SETBP1: variants seen among roughly 807,000 people sequenced by gnomAD.
The protein encoded by SETBP1 is SET binding protein 1.
Under a neutral mutation model 101.0 loss-of-function variants are expected in SETBP1, and 9 were observed. The ratio of observed to expected loss-of-function variants is 0.09; its 90% confidence interval spans 0.05 to 0.16. SETBP1 has a LOEUF of 0.16. SETBP1 is among the 10% of genes least tolerant of loss of function. The probability of loss-of-function intolerance (pLI) is 1.00; values close to 1 mark genes in which losing one functional copy is unlikely to be tolerated. For synonymous variants in SETBP1, 818 were observed against 788.5 expected (o/e 1.04, Z -0.63); for missense variants, 1,858 against 2,033.8 (o/e 0.91, Z 1.66).
chr18:44,979,683 C>T (rs959946095), intron 4 of SETBP1, among the ~76,000 whole-genome samples: 2 of 152,150 alleles, frequency 1.3e-5, no homozygotes, highest in African/African-American at 4.8e-5. Context: ...AACCAATGGT[C>T]CACACTGATA....
At chr18:44,753,835 G>C (rs962257975) in intron 2 of SETBP1, among the ~76,000 whole-genome samples, 3 of 152,192 alleles carry the variant, frequency 2.0e-5, no homozygotes, top group African/African-American at 7.2e-5. Flanking sequence ...AGGAAGTCAG[G>C]AATCTGGAAG....
intron 3 of SETBP1, among the ~76,000 whole-genome samples, chr18:44,902,003 G>A (rs868706497): frequency 1.3e-5 from 2 of 152,262 alleles, no homozygotes; most frequent in Non-Finnish European, 2.9e-5. Context: ...TCTGTCTAGA[G>A]CTGTATGCTT....
intron 2 of SETBP1, among the ~76,000 whole-genome samples, chr18:44,744,287 T>TC (rs2070170033): frequency 6.6e-6 from 1 of 152,048 alleles, no homozygotes. Flanking sequence ...GCACGCCTGC[T>TC]CCCCCCTTCC....
intron 2 of SETBP1, among the ~76,000 whole-genome samples, chr18:44,818,970 A>ATGTG (rs34458305): frequency 0.049 from 7,288 of 148,440 alleles, 262 homozygotes; most frequent in African/African-American, 0.1. Context: ...ATTTCACTGA[A>ATGTG]TGTGTGTGTG....
intron 4 of SETBP1, among the ~76,000 whole-genome samples, chr18:45,014,025 G>C (rs78950194): frequency 7.5e-6 from 1 of 133,486 alleles, no homozygotes; most frequent in African/African-American, 2.8e-5. Context: ...AAGGATGTTC[G>C]GCAGAAAAAA....
At chr18:44,773,836 T>TTGTG (rs1280926160) in intron 2 of SETBP1, among the ~76,000 whole-genome samples, 16 of 36,376 alleles carry the variant, frequency 4.4e-4, no homozygotes, top group South Asian at 2.3e-3. Context: ...CTCTCTCTGT[T>TTGTG]TATGTGTGTG....
chr18:44,995,529 T>TTGGG (rs1555642162), intron 4 of SETBP1, among the ~76,000 whole-genome samples: 5 of 142,876 alleles, frequency 3.5e-5, no homozygotes, highest in Non-Finnish European at 7.6e-5. Context: ...GTCCAGGCTT[T>TTGGG]TGTGTGTGTG....
intron 2 of SETBP1, among the ~76,000 whole-genome samples, chr18:44,791,604 A>G (rs1335329500): frequency 6.6e-6 from 1 of 152,140 alleles, no homozygotes; most frequent in Non-Finnish European, 1.5e-5. Context: ...AGAAATTTCC[A>G]TGGAGAAGAA....
At chr18:44,812,967 A>G (rs2144837820) in intron 2 of SETBP1, among the ~76,000 whole-genome samples, 1 of 152,292 alleles carries the variant, frequency 6.6e-6, no homozygotes, top group Non-Finnish European at 1.5e-5. Context: ...GGGTGACATC[A>G]GAGGTCTCTT....
At chr18:44,789,976 C>A (rs1321126233) in intron 2 of SETBP1, among the ~76,000 whole-genome samples, 3 of 152,114 alleles carry the variant, frequency 2.0e-5, no homozygotes, top group Non-Finnish European at 2.9e-5. Flanking sequence ...CTGGACAAAC[C>A]CAGGAATGAT....
chr18:45,011,610 T>C (rs1007759080), intron 4 of SETBP1, among the ~76,000 whole-genome samples: 2 of 152,202 alleles, frequency 1.3e-5, no homozygotes, highest in Non-Finnish European at 2.9e-5. Context: ...GGCCAGGTAA[T>C]TGTCTGCTGA....
intron 3 of SETBP1, among the ~76,000 whole-genome samples, chr18:44,925,007 G>GTTTTGTT (rs1555700996): frequency 2.2e-5 from 1 of 45,970 alleles, no homozygotes; most frequent in African/African-American, 9.0e-5. Context: ...TCCTGTGTGA[G>GTTTTGTT]TTTTTTTTTT....
chr18:44,876,786 G>A (rs1018021797), intron 3 of SETBP1: 2 of 1,468,074 alleles, frequency 1.4e-6, no homozygotes, highest in Non-Finnish European at 1.8e-6. Flanking sequence ...CCACACCTGT[G>A]GTCATTCCCT....
intron 4 of SETBP1, among the ~76,000 whole-genome samples, chr18:44,998,708 A>T (rs1244228646): frequency 6.6e-6 from 1 of 152,192 alleles, no homozygotes; most frequent in African/African-American, 2.4e-5. Flanking sequence ...ACTCAGGATG[A>T]TGTTGGGGAA....
intron 2 of SETBP1, among the ~76,000 whole-genome samples, chr18:44,744,281 G>C (rs888005672): frequency 6.6e-6 from 1 of 152,336 alleles, no homozygotes; most frequent in East Asian, 1.9e-4. Flanking sequence ...GGAGCTGCAC[G>C]CCTGCTCCCC....
intron 3 of SETBP1, among the ~76,000 whole-genome samples, chr18:44,875,852 T>A (rs534386874): frequency 1.1e-4 from 17 of 152,316 alleles, no homozygotes; most frequent in African/African-American, 4.1e-4. Context: ...TGAACTCAGG[T>A]AGTCTGGCTC....
At chr18:44,803,308 C>T (rs1384524272) in intron 2 of SETBP1, among the ~76,000 whole-genome samples, 5 of 152,110 alleles carry the variant, frequency 3.3e-5, no homozygotes, top group South Asian at 4.1e-4. Flanking sequence ...GCCCTTGGCA[C>T]GGCTGTTCCA....
At chr18:44,818,996 G>C (rs56108739) in intron 2 of SETBP1, among the ~76,000 whole-genome samples, 67 of 113,646 alleles carry the variant, frequency 5.9e-4, no homozygotes, top group Non-Finnish European at 7.4e-4. Context: ...GTGTGTGTCT[G>C]TGTGTGTGTG....
At position 44,844,044 on chromosome 18, in the gene SETBP1, AT is replaced by A. The variant is rs938551055; in HGVS notation, c.487-25178del. 2.0e-5 allele frequency among the ~76,000 whole-genome samples: 3 copies of A among 151,840 alleles called. No individual in the cohort carries two copies. In the East Asian group the frequency reaches 5.8e-4, roughly 29 times the overall value. On this transcript the variant is annotated intron_variant, in intron 2 of 5. Coordinates refer to ENST00000649279, the MANE Select transcript of SETBP1 (RefSeq NM_015559.3). ...CAAAGGCTCAATTTTCACTCCTGTC[AT>A]TTTTTTTACATGTGTGTATGGAAAA... is the stretch of plus-strand genomic sequence containing the variant.
Sources: allele counts gnomAD v4.1 joint callset (sites outside exome capture counted in the v4.1 genomes callset), GRCh38; gene constraint gnomAD v4.1.1; transcripts MANE v1.5; gene names NCBI Gene and HGNC (gene_info 2026-07-23, HGNC 2026-07-21).